Variants in PRKG1 observed in about 807,000 individuals in gnomAD.
The protein encoded by PRKG1 is cGMP-dependent protein kinase 1.
PRKG1 carries 35 observed loss-of-function variants against 88.1 expected under a neutral mutation model. That is an observed-to-expected ratio of 0.40 (90% CI 0.30 to 0.53). The LOEUF (loss-of-function observed/expected upper bound fraction) is 0.53. Ranked by LOEUF, PRKG1 falls within the 20% of genes least tolerant of loss-of-function variation. The probability of loss-of-function intolerance (pLI) is 0.59; values close to 1 mark genes in which losing one functional copy is unlikely to be tolerated. For missense variants in PRKG1, 540 were observed against 839.8 expected (o/e 0.64, Z 4.41); for synonymous variants, 303 against 292.5 (o/e 1.04, Z -0.37).
chr10:51,661,524 A>G (rs570121988), intron 3 of PRKG1, among the ~76,000 whole-genome samples: 26 of 152,186 alleles, frequency 1.7e-4, no homozygotes, highest in South Asian at 4.1e-4. Context: ...CAAAACCACA[A>G]TGAGATACCA....
At chr10:51,986,337 A>C (rs1486257999) in intron 5 of PRKG1, among the ~76,000 whole-genome samples, 1 of 152,226 alleles carries the variant, frequency 6.6e-6, no homozygotes, top group East Asian at 1.9e-4. Flanking sequence ...TATCTCTTCT[A>C]AACCTCTATT....
intron 2 of PRKG1, among the ~76,000 whole-genome samples, chr10:51,392,582 T>C (rs1837437146): frequency 6.6e-6 from 1 of 151,762 alleles, no homozygotes; most frequent in Non-Finnish European, 1.5e-5. Context: ...TTCCCCACCT[T>C]TCCCCCCTTT....
At chr10:51,050,944 T>C (rs565606876) in intron 1 of PRKG1, among the ~76,000 whole-genome samples, 1 of 152,286 alleles carries the variant, frequency 6.6e-6, no homozygotes, top group African/African-American at 2.4e-5. Flanking sequence ...CGTTTGTGTG[T>C]CTTTTTTTGA....
intron 9 of PRKG1, among the ~76,000 whole-genome samples, chr10:52,179,118 G>A (rs990539030): frequency 6.6e-6 from 1 of 151,056 alleles, no homozygotes; most frequent in Non-Finnish European, 1.5e-5. Context: ...GTGGTTGGGT[G>A]GTTCTCTGTG....
chr10:51,146,048 G>T (rs553908132), intron 1 of PRKG1, among the ~76,000 whole-genome samples: 7 of 152,136 alleles, frequency 4.6e-5, no homozygotes, highest in Middle Eastern at 3.4e-3. Flanking sequence ...AAACAGCCAG[G>T]CATGGTGGCA....
chr10:51,945,058 T>C (rs1299767196), intron 5 of PRKG1, among the ~76,000 whole-genome samples: 2 of 151,250 alleles, frequency 1.3e-5, no homozygotes, highest in African/African-American at 4.9e-5. Context: ...AGTGGGGTGT[T>C]AAAGTCTCCC....
chr10:51,738,723 C>T (rs531861028), intron 3 of PRKG1, among the ~76,000 whole-genome samples: 1 of 152,188 alleles, frequency 6.6e-6, no homozygotes, highest in South Asian at 2.1e-4. Context: ...TCTGGGACTC[C>T]ATTTATTGGA....
chr10:51,737,740 A>ATTTATTTATTT (rs765792966), intron 3 of PRKG1, among the ~76,000 whole-genome samples: 8 of 133,434 alleles, frequency 6.0e-5, no homozygotes, highest in Admixed American at 3.1e-4. Context: ...TTTATTTATT[A>ATTTATTTATTT]ATTATTATTA....
rs55657310 is a variant in PRKG1, at chr10:51,621,009, G to GTATATATATATATATATA, written c.592+153179_592+153196dup. ...TGTGTGTGTGTGTGTGTATATGTGTGTATATATATATATATATATATATGA... is the reference window on the plus strand; with the variant it reads ...TGTGTGTGTGTGTGTGTATATGTGTGTATATATATATATATATATATATATATATATATATATATATGA... On this transcript the variant is annotated intron_variant, in intron 3 of 17. Transcript: ENST00000373980. Among the ~76,000 whole-genome samples the GTATATATATATATATATA allele has an allele frequency of 9.0e-3, 1,100 of 121,758 alleles. 7 individuals are homozygous for GTATATATATATATATATA. Among genetic ancestry groups the GTATATATATATATATATA allele is most frequent in the Middle Eastern group, 0.038 (8 of 212 alleles). The allele number at this position is 121,758 out of a possible 152,430, so 79.9% of individuals were successfully genotyped here. A position where few individuals can be genotyped will look rare whatever the true frequency, so the allele number is the denominator to read the frequency against.
chr10:51,334,313 C>T (rs1174054961), intron 2 of PRKG1, among the ~76,000 whole-genome samples: 1 of 151,988 alleles, frequency 6.6e-6, no homozygotes, highest in Non-Finnish European at 1.5e-5. Flanking sequence ...ATATTTTCTC[C>T]AAGTACAAAT....
chr10:51,300,525 GC>G (rs1463218127), intron 2 of PRKG1, among the ~76,000 whole-genome samples: 1 of 152,118 alleles, frequency 6.6e-6, no homozygotes, highest in Non-Finnish European at 1.5e-5. Context: ...ATTTCTCTCT[GC>G]AAAATTATAG....
chr10:51,940,013 A>C (rs1842872756), intron 5 of PRKG1, among the ~76,000 whole-genome samples: 1 of 151,958 alleles, frequency 6.6e-6, no homozygotes, highest in African/African-American at 2.4e-5. Context: ...CCTTTGAATT[A>C]AAATTAATGA....
intron 2 of PRKG1, among the ~76,000 whole-genome samples, chr10:51,255,940 A>T (rs534711340): frequency 3.9e-5 from 6 of 152,208 alleles, no homozygotes; most frequent in Admixed American, 6.5e-5. Context: ...AGATGAGGGA[A>T]ATAAGGGCCC....
rs1401899744 is a variant in PRKG1 at position 52,080,336 on chromosome 10, A to C, written c.935+17705A>C. On this transcript the variant is annotated intron_variant, in intron 7 of 17. Coordinates refer to ENST00000373980, the MANE Select transcript of PRKG1 (RefSeq NM_006258.4). Reference sequence around the variant, plus strand: ...GAGTATCTAACCAAAAGTGATCCTTATCCATTAAGAGCTGGCCCATGTCCC... The same window carrying C: ...GAGTATCTAACCAAAAGTGATCCTTCTCCATTAAGAGCTGGCCCATGTCCC... Among the ~76,000 whole-genome samples the C allele has an allele frequency of 3.3e-5, 5 of 152,108 alleles. No homozygotes were observed. The East Asian group carries it at 9.6e-4, about 29-fold the overall frequency.
intron 2 of PRKG1, among the ~76,000 whole-genome samples, chr10:51,280,187 G>C (rs968885081): frequency 3.3e-5 from 5 of 152,182 alleles, no homozygotes; most frequent in Non-Finnish European, 7.3e-5. Flanking sequence ...TAAGAATGTT[G>C]AATATTGGCC....
chr10:51,630,039 T>C (rs938576964), intron 3 of PRKG1, among the ~76,000 whole-genome samples: 3 of 152,196 alleles, frequency 2.0e-5, no homozygotes, highest in Non-Finnish European at 2.9e-5. Flanking sequence ...ATTGAGTTAG[T>C]TGAGCAGGTT....
chr10:51,464,890 CAAAA>C (rs11316369), intron 2 of PRKG1, among the ~76,000 whole-genome samples: 1 of 88,138 alleles, frequency 1.1e-5, no homozygotes, highest in Admixed American at 1.1e-4. Context: ...GACTCCGTCT[CAAAA>C]AAAAAAAAAA....
chr10:51,707,361 C>T lies in PRKG1; in HGVS notation c.593-97224C>T, dbSNP rs115908343. On this transcript the variant is annotated intron_variant, in intron 3 of 17. Transcript: ENST00000373980. The stretch of plus-strand genomic sequence containing the variant: ...ACCTACTCGAGCGCATAGTCCTGTT[C>T]AGGGTGATATTAGGACTACTACTTT... Among the ~76,000 whole-genome samples, 213 of 152,234 alleles carry T rather than the reference C, an allele frequency of 1.4e-3. 1 individual carries two copies. The highest frequency in any genetic ancestry group is 4.9e-3 in the African/African-American group (205 of 41,540).
chr10:51,421,535 C>T (rs1396527088), intron 2 of PRKG1, among the ~76,000 whole-genome samples: 2 of 152,076 alleles, frequency 1.3e-5, no homozygotes, highest in Non-Finnish European at 2.9e-5. Flanking sequence ...TGGAGAGACA[C>T]TTTCCCCAGT....
Sources: gnomAD v4.1 joint callset for allele counts (sites outside exome capture counted in the v4.1 genomes callset) on GRCh38, gnomAD v4.1.1 for gene constraint, MANE v1.5 for transcripts, NCBI Gene and HGNC (gene_info 2026-07-23, HGNC 2026-07-21) for gene names.